SMO: variants seen among roughly 807,000 people sequenced by gnomAD.
The protein encoded by SMO is protein smoothened.
A neutral mutation model predicts 81.6 loss-of-function variants in SMO; 40 were observed. That is an observed-to-expected ratio of 0.49 (90% CI 0.38 to 0.64). The LOEUF is 0.64. SMO is among the 30% of genes least tolerant of loss of function. The pLI is 0.00. For missense variants in SMO, 916 were observed against 1,061.1 expected (o/e 0.86, Z 1.90); for synonymous variants, 434 against 432.1 (o/e 1.00, Z -0.05).
At chr7:129,207,980 A>AT (rs1195491500) in intron 6 of SMO, among the ~76,000 whole-genome samples, 1 of 152,148 alleles carries the variant, frequency 6.6e-6, no homozygotes, top group Non-Finnish European at 1.5e-5. Flanking sequence ...TAAAAAAAAA[A>AT]CTTAGTGGGA....
At chr7:129,193,758 CAAAAAAA>C (rs35934044) in intron 1 of SMO, among the ~76,000 whole-genome samples, 9 of 7,450 alleles carry the variant, frequency 1.2e-3, no homozygotes, top group African/African-American at 4.5e-3. Context: ...GACTCCATCT[CAAAAAAA>C]AAAAAAAAAA....
Position 129,203,434 on chromosome 7 carries a change from G to A in SMO, c.382G>A (p.Ala128Thr), listed in dbSNP as rs1274135142. Reference protein sequence around the residue: ...CWAVIQPLLCAVYMPKCENDR... With the variant: ...CWAVIQPLLCTVYMPKCENDR... ...GGCAGTGATCCAGCCCCTGCTGTGT[G>A]CCGTATACATGCCCAAGTGTGAGAA... The change falls in exon 2 of 12, where the codon GCC (alanine) becomes ACC (threonine). Residue 128 changes from alanine (A) to threonine (T), a missense_variant. Physicochemically the swap from Ala to Thr is moderately conservative, Grantham distance 58. Transcript: ENST00000249373. 3 of 1,564,072 alleles carry A rather than the reference G, an allele frequency of 1.9e-6. No individual in the cohort carries two copies. The Admixed American group carries it at 5.7e-5, about 30-fold the overall frequency.
Position 129,213,091 on chromosome 7 carries a change from GT to G in SMO, c.*643del, listed in dbSNP as rs775598710. The G allele has an allele frequency of 4.2e-5, 10 of 237,028 alleles. No homozygotes were observed. The highest frequency in any genetic ancestry group is 6.6e-5 in the Non-Finnish European group (8 of 120,722). The allele number at this position is 237,028 out of a possible 1,614,324, so 14.7% of individuals were successfully genotyped here. On this transcript the variant is annotated 3_prime_UTR_variant, in exon 12 of 12. Coordinates refer to ENST00000249373, the MANE Select transcript of SMO (RefSeq NM_005631.5). ...CCTTCTTCTGTTCCATTTCAGTTCAGTTTCAGCGGTGCCAACCTCTTTGCGT... is the reference window on the plus strand; with the variant it reads ...CCTTCTTCTGTTCCATTTCAGTTCAGTTCAGCGGTGCCAACCTCTTTGCGT...
At chr7:129,203,125 T>C (rs1793697021) in intron 1 of SMO, among the ~76,000 whole-genome samples, 1 of 151,152 alleles carries the variant, frequency 6.6e-6, no homozygotes, top group African/African-American at 2.5e-5. Flanking sequence ...AGTAGAGGGC[T>C]GGGGCATTTT....
At chr7:129,202,371 GAA>G (rs997826580) in intron 1 of SMO, among the ~76,000 whole-genome samples, 2 of 152,094 alleles carry the variant, frequency 1.3e-5, no homozygotes, top group Non-Finnish European at 2.9e-5. Context: ...GCCTTCCCCC[GAA>G]AAGAGTGGTT....
At chr7:129,207,124 A>G (rs756839871) in intron 6 of SMO, among the ~76,000 whole-genome samples, 13 of 152,130 alleles carry the variant, frequency 8.5e-5, no homozygotes, top group Non-Finnish European at 1.8e-4. Context: ...GATTACAGGC[A>G]TGAGCCACAG....
intron 1 of SMO, among the ~76,000 whole-genome samples, chr7:129,195,423 T>A (rs181609731): frequency 5.9e-5 from 9 of 152,358 alleles, no homozygotes; most frequent in African/African-American, 2.2e-4. Flanking sequence ...AATTTGCACT[T>A]CCCTGATTAC....
At position 129,212,227 on chromosome 7, in the gene SMO, G is replaced by A. The variant is rs2150656821; in HGVS notation, c.2140G>A (p.Val714Met). Residue 714 changes from valine to methionine, a missense_variant, in exon 12 of 12, where the codon GTG becomes ATG. Transcript: ENST00000249373. This position sits in a 1 kb window ranked among gnomAD's most constrained non-coding sequence, Gnocchi z 5.0. Reference protein sequence around the residue: ...LPQLPRQKCLVAAGAWGAGDS... With the variant: ...LPQLPRQKCLMAAGAWGAGDS... ...TCAGCTGCCCCGGCAGAAATGCCTG[G>A]TGGCTGCAGGTGCCTGGGGAGCTGG... 6.3e-7 allele frequency: 1 copy of A among 1,585,950 alleles called. No individual in the cohort carries two copies. Among genetic ancestry groups the A allele is most frequent in the Non-Finnish European group, 8.6e-7 (1 of 1,166,038 alleles).
At position 129,206,055 on chromosome 7, in the gene SMO, A is replaced by G; in HGVS notation, c.921-95A>G. The G allele has an allele frequency of 9.2e-7, 1 of 1,090,316 alleles. No individual in the cohort carries two copies. The allele number at this position is 1,090,316 out of a possible 1,614,324, so 67.5% of individuals were successfully genotyped here. A position where few individuals can be genotyped will look rare whatever the true frequency, so the allele number is the denominator to read the frequency against. On this transcript the variant is annotated intron_variant, in intron 4 of 11. Coordinates refer to ENST00000249373, the MANE Select transcript of SMO (RefSeq NM_005631.5). This position sits in a 1 kb window ranked among gnomAD's most constrained non-coding sequence, Gnocchi z 4.4. ...AGCCCTGACTTCTGGGAACCTCCAG[A>G]CCTCAGCAGCTGAGGGTCTGGGCAC...
rs1793443037 is a variant in SMO, at chr7:129,189,197, G to A, written c.46G>A (p.Gly16Arg). 6 of 1,153,686 alleles carry A rather than the reference G, an allele frequency of 5.2e-6. No individual in the cohort carries two copies. Among genetic ancestry groups the A allele is most frequent in the African/African-American group, 1.6e-5 (1 of 62,396 alleles). The allele number at this position is 1,153,686 out of a possible 1,614,324, so 71.5% of individuals were successfully genotyped here. A position where few individuals can be genotyped will look rare whatever the true frequency, so the allele number is the denominator to read the frequency against. ...PARGPELPLL[G>R]LLLLLLLGDP... The stretch of plus-strand genomic sequence containing the variant: ...GCGGGGGCCGGAGCTCCCGCTCCTG[G>A]GGCTGCTGCTGCTGCTGCTGCTGGG... Residue 16 changes from glycine (G) to arginine (R), a missense_variant, in exon 1 of 12, where the codon GGG (glycine) becomes AGG (arginine). By Grantham distance (125) the Gly-to-Arg change is moderately radical. This residue lies in a region of SMO where 146 missense variants were observed against 149.9 expected (regional missense o/e 0.97). Coordinates refer to ENST00000249373, the MANE Select transcript of SMO (RefSeq NM_005631.5). The surrounding 1 kb of genome is among the most constrained non-coding windows in gnomAD (Gnocchi z 4.7).
chr7:129,204,639 C>A (rs1459411138), intron 2 of SMO, among the ~76,000 whole-genome samples: 1 of 145,672 alleles, frequency 6.9e-6, no homozygotes, highest in Non-Finnish European at 1.5e-5. Flanking sequence ...GAGCCAGACT[C>A]TGTCTCTCTC....
Position 129,208,541 on chromosome 7 carries a change from G to A in SMO, c.1265-218G>A, listed in dbSNP as rs1455958051. Among the ~76,000 whole-genome samples, 1 of 152,074 alleles carries A rather than the reference G, an allele frequency of 6.6e-6. No homozygotes were observed. The highest frequency in any genetic ancestry group is 2.4e-5 in the African/African-American group (1 of 41,416). On this transcript the variant is annotated intron_variant, in intron 6 of 11. Transcript: ENST00000249373. The surrounding 1 kb of genome is among the most constrained non-coding windows in gnomAD (Gnocchi z 5.2). ...TCTGCCCCCTTCTTCAGGGGCAGCTGGGCCACGACCGAGGCTCCCTCTTCT... is the reference window on the plus strand; with the variant it reads ...TCTGCCCCCTTCTTCAGGGGCAGCTAGGCCACGACCGAGGCTCCCTCTTCT...
Position 129,188,972 on chromosome 7 carries a change from C to T in SMO, c.-180C>T. On this transcript the variant is annotated 5_prime_UTR_variant, in exon 1 of 12. An upstream open reading frame in the 5' UTR gains an earlier in-frame stop. Transcript: ENST00000249373. The surrounding 1 kb of genome is among the most constrained non-coding windows in gnomAD (Gnocchi z 4.9). ...CATGGGCCCCGGGTTCCAAAGTTTG[C>T]GAAGTTGGGCGCCGAGGGGCCGGGG... 1 of 424,600 alleles carries T rather than the reference C, an allele frequency of 2.4e-6. No homozygotes were observed. The highest frequency in any genetic ancestry group is 3.8e-6 in the Non-Finnish European group (1 of 260,832). 26.3% of individuals were successfully genotyped at this position (424,600 alleles called of 1,614,324 possible).
rs745917803 is a variant in SMO at position 129,210,551 on chromosome 7, G to A, written c.1652+3G>A. ...ATCTGGAGGCGTACCTGGTGCAGGT[G>A]GGCATGGCAGCCAGCCCCTCCTGCC... On this transcript the variant is annotated splice_donor_region_variant and intron_variant, in intron 9 of 11. Coordinates refer to ENST00000249373, the MANE Select transcript of SMO (RefSeq NM_005631.5). This position sits in a 1 kb window ranked among gnomAD's most constrained non-coding sequence, Gnocchi z 4.7. The A allele has an allele frequency of 5.0e-6, 8 of 1,611,390 alleles. No individual in the cohort carries two copies. The South Asian group carries it at 8.8e-5, about 18-fold the overall frequency.
chr7:129,201,322 G>A (rs998318386), intron 1 of SMO, among the ~76,000 whole-genome samples: 1 of 152,144 alleles, frequency 6.6e-6, no homozygotes, highest in Non-Finnish European at 1.5e-5. Context: ...GGGATTACAG[G>A]TTTGAGCCAC....
chr7:129,209,215 G>A, intron 7 of SMO, 74 bp from the exon 8 acceptor site: 4 of 887,226 alleles, frequency 4.5e-6, no homozygotes, highest in Middle Eastern at 2.2e-4. Flanking sequence ...GCCCAGTGGG[G>A]CAGACTCTCT....
rs774872260 is a variant in SMO, at chr7:129,211,835, G to C, written c.1936+65G>C. The C allele has an allele frequency of 6.3e-7, 1 of 1,585,816 alleles. No homozygotes were observed. Among genetic ancestry groups the C allele is most frequent in the Admixed American group, 1.7e-5 (1 of 59,922 alleles). The stretch of plus-strand genomic sequence containing the variant: ...ACAGAGGCTGGGGGCTTCTGGGACT[G>C]GAGTACAGGGGCTGTCGGAGGAGGA... On this transcript the variant is annotated intron_variant, in intron 11 of 11. Coordinates refer to ENST00000249373, the MANE Select transcript of SMO (RefSeq NM_005631.5). This position sits in a 1 kb window ranked among gnomAD's most constrained non-coding sequence, Gnocchi z 4.6.
intron 1 of SMO, among the ~76,000 whole-genome samples, chr7:129,191,888 C>A (rs7784604): frequency 1.4e-3 from 219 of 152,158 alleles, no homozygotes; most frequent in African/African-American, 5.2e-3. Flanking sequence ...TCACATGCTG[C>A]GCATGTAAGG....
rs2150637677 is a variant in SMO, at chr7:129,189,140, G to A, written c.-12G>A. ...GGGCGCCGGGGCTTTTGCTGAGTTG[G>A]CGGGGTTGGCCATGGCCGCTGCCCG... On this transcript the variant is annotated 5_prime_UTR_variant, in exon 1 of 12. Transcript: ENST00000249373. This position sits in a 1 kb window ranked among gnomAD's most constrained non-coding sequence, Gnocchi z 4.7. 2.5e-6 allele frequency: 3 copies of A among 1,198,142 alleles called. No homozygotes were observed. Among genetic ancestry groups the A allele is most frequent in the East Asian group, 3.3e-5 (1 of 30,038 alleles). 74.2% of individuals were successfully genotyped at this position (1,198,142 alleles called of 1,614,324 possible). A position where few individuals can be genotyped will look rare whatever the true frequency, so the allele number is the denominator to read the frequency against.
Sources: allele counts gnomAD v4.1 joint callset (sites outside exome capture counted in the v4.1 genomes callset), GRCh38; gene constraint gnomAD v4.1.1; regional missense constraint gnomAD v4.1.1; non-coding constraint Gnocchi (gnomAD v3.1); transcripts MANE v1.5; gene names NCBI Gene and HGNC (gene_info 2026-07-23, HGNC 2026-07-21).